Variants in APOH observed in about 807,000 individuals in gnomAD.
APOH encodes the protein beta-2-glycoprotein 1.
A neutral mutation model predicts 39.8 loss-of-function variants in APOH; 48 were observed. The ratio of observed to expected loss-of-function variants is 1.21; its 90% CI spans 0.96 to 1.54. The LOEUF (loss-of-function observed/expected upper bound fraction) is 1.54. APOH is among the 40% of genes most tolerant of loss of function. The probability of loss-of-function intolerance (pLI) is 0.00; values close to 1 mark genes in which losing one functional copy is unlikely to be tolerated. For missense variants in APOH, 415 were observed against 421.2 expected (o/e 0.99, Z 0.13); for synonymous variants, 153 against 151.1 (o/e 1.01, Z -0.09).
chr17:66,220,713 T>A lies in APOH; in HGVS notation c.445A>T (p.Thr149Ser). 1 of 1,613,376 alleles carries A rather than the reference T, an allele frequency of 6.2e-7. No individual in the cohort carries two copies. The highest frequency in any genetic ancestry group is 1.1e-5 in the South Asian group (1 of 91,040). ...PIICPPPSIP[T>S]FATLRVYKPS... ...TTATAAACACGAAGTGTTGCAAACG[T>A]AGGTATGGATGGTGGAGGGCAGATG... is the stretch of plus-strand genomic sequence containing the variant. The change falls in exon 5 of 8, where the codon ACG (threonine) becomes TCG (serine). Residue 149 changes from threonine to serine, a missense_variant. Coordinates refer to ENST00000205948, the MANE Select transcript of APOH (RefSeq NM_000042.3).
intron 4 of APOH, among the ~76,000 whole-genome samples, chr17:66,221,796 G>A (rs1269422878): frequency 6.6e-6 from 1 of 152,156 alleles, no homozygotes; most frequent in Non-Finnish European, 1.5e-5. Flanking sequence ...GAGTACTATG[G>A]AGCTTCAACA....
At position 66,212,126 on chromosome 17, in the gene APOH, A is replaced by C. The variant is rs1041496447; in HGVS notation, c.*7T>G. 6.2e-7 allele frequency: 1 copy of C among 1,612,612 alleles called. No homozygotes were observed. Among genetic ancestry groups the C allele is most frequent in the South Asian group, 1.1e-5 (1 of 90,992 alleles). On this transcript the variant is annotated 3_prime_UTR_variant, in exon 8 of 8. Coordinates refer to ENST00000205948, the MANE Select transcript of APOH (RefSeq NM_000042.3). ...TGTGACATTTTGTGTGGAATCTGAAAACCACCTTAGCATGGCTTTACATCG... is the reference window on the plus strand; with the variant it reads ...TGTGACATTTTGTGTGGAATCTGAACACCACCTTAGCATGGCTTTACATCG...
chr17:66,224,484 A>AAAG (rs1469058431), intron 3 of APOH, among the ~76,000 whole-genome samples: 1 of 145,766 alleles, frequency 6.9e-6, no homozygotes, highest in African/African-American at 2.5e-5. Flanking sequence ...AAAAAAAAAA[A>AAAG]AAAAAAAGAA....
At chr17:66,226,147 G>T in intron 2 of APOH, 23 bp from the exon 3 acceptor site, 2 of 1,539,622 alleles carry the variant, frequency 1.3e-6, no homozygotes, top group Non-Finnish European at 1.8e-6. Flanking sequence ...GATAAAAAAT[G>T]TTACTTTTCT....
Position 66,214,576 on chromosome 17 carries a change from T to G in APOH, c.859A>C (p.Lys287Gln), listed in dbSNP as rs371303776. The change falls in exon 7 of 8, where the codon AAG becomes CAG. Residue 287 changes from lysine (K) to glutamine (Q), a missense_variant. Transcript: ENST00000205948. ...GERVKIQEKF[K>Q]NGMLHGDKVS... ...TTATCACCATGTAGCATTCCATTCT[T>G]AAATTTTTCCTGAATCTTTACTCTC... 8.1e-6 allele frequency: 13 copies of G among 1,614,076 alleles called. No individual in the cohort carries two copies. The African/African-American group carries it at 1.7e-4, about 22-fold the overall frequency.
At position 66,228,182 on chromosome 17, in the gene APOH, C is replaced by T. The variant is rs1471958766; in HGVS notation, c.79G>A (p.Asp27Asn). The change falls in exon 2 of 8, where the codon GAT becomes AAT. Residue 27 changes from aspartate (D) to asparagine (N), a missense_variant. Transcript: ENST00000205948. ...AIAGRTCPKP[D>N]DLPFSTVVPL... The stretch of plus-strand genomic sequence containing the variant: ...ACCACTGTGGAAAATGGTAAATCAT[C>T]TGGCTTGGGACAGGCTGAAAGAGGG... 11 of 1,614,000 alleles carry T rather than the reference C, an allele frequency of 6.8e-6. No individual in the cohort carries two copies. Among genetic ancestry groups the T allele is most frequent in the Non-Finnish European group, 7.6e-6 (9 of 1,179,944 alleles).
chr17:66,215,217 AGG>A (rs991616240), intron 6 of APOH, among the ~76,000 whole-genome samples: 1 of 152,228 alleles, frequency 6.6e-6, no homozygotes, highest in Non-Finnish European at 1.5e-5. Flanking sequence ...GATTAACTCA[AGG>A]GTGGAATTCA....
At chr17:66,223,828 C>T in intron 3 of APOH, 54 bp from the exon 4 acceptor site, 4 of 1,438,842 alleles carry the variant, frequency 2.8e-6, no homozygotes, top group South Asian at 1.1e-5. Flanking sequence ...TCACTGACAT[C>T]TCAAATATCT....
intron 4 of APOH, among the ~76,000 whole-genome samples, chr17:66,223,198 C>G (rs2073412821): frequency 6.6e-6 from 1 of 152,192 alleles, no homozygotes; most frequent in Non-Finnish European, 1.5e-5. Context: ...AAAGCTGCCT[C>G]CTTTGGCCTT....
chr17:66,216,849 A>G lies in APOH; in HGVS notation c.723T>C (p.Asp241=), dbSNP rs1330515949. ...TGGTACATTCTATTTCTTCCGGGCC[A>G]TCCAGAGAATATCCATCATGGCAGC... ...TFGCHDGYSL[D]GPEEIECTKL... Residue 241 remains aspartate (D), a synonymous_variant, in exon 6 of 8, where the codon GAT becomes GAC. Coordinates refer to ENST00000205948, the MANE Select transcript of APOH (RefSeq NM_000042.3). 2 of 1,612,746 alleles carry G rather than the reference A, an allele frequency of 1.2e-6. No homozygotes were observed. The highest frequency in any genetic ancestry group is 3.3e-5 in the Admixed American group (2 of 59,790).
intron 3 of APOH, among the ~76,000 whole-genome samples, chr17:66,225,503 C>A (rs535801330): frequency 6.6e-6 from 1 of 152,206 alleles, no homozygotes; most frequent in Non-Finnish European, 1.5e-5. Context: ...AGTATTTTAA[C>A]CCTATCCAAG....
chr17:66,229,258 G>T, intron 1 of APOH, 58 bp downstream of exon 1: 2 of 1,378,904 alleles, frequency 1.5e-6, no homozygotes, highest in South Asian at 2.4e-5. Flanking sequence ...ATTGATCCCT[G>T]ACATATACGA....
chr17:66,216,298 C>A (rs952155541), intron 6 of APOH, among the ~76,000 whole-genome samples: 1 of 151,972 alleles, frequency 6.6e-6, no homozygotes, highest in Non-Finnish European at 1.5e-5. Context: ...GCCTGGCCAA[C>A]GTGGCAAAGC....
chr17:66,223,866 T>C, intron 3 of APOH, 92 bp from the exon 4 acceptor site: 2 of 1,126,936 alleles, frequency 1.8e-6, no homozygotes, highest in Non-Finnish European at 2.7e-6. Flanking sequence ...TTCATGTTAA[T>C]GCTATTGACT....
intron 2 of APOH, among the ~76,000 whole-genome samples, chr17:66,226,663 G>A (rs947133224): frequency 2.6e-5 from 4 of 151,776 alleles, no homozygotes; most frequent in Non-Finnish European, 5.9e-5. Flanking sequence ...GTTCATCAGG[G>A]GACTGTTTTA....
At chr17:66,212,806 T>C (rs1045365348) in intron 7 of APOH, among the ~76,000 whole-genome samples, 5 of 152,322 alleles carry the variant, frequency 3.3e-5, no homozygotes, top group Admixed American at 6.5e-5. Context: ...CCAAAGACCA[T>C]AAGGGAGAAG....
rs2041398 is a variant in APOH at position 66,216,986 on chromosome 17, A to G, written c.605-19T>C. ...TTTACTTCTAAAACATTTATTCAAT[A>G]AGACATATTAGTAATAAATAGTGCT... On this transcript the variant is annotated intron_variant, in intron 5 of 7. Transcript: ENST00000205948. 340,185 of 1,559,080 alleles carry G rather than the reference A, an allele frequency of 0.22. 41,640 individuals are homozygous for G. Among genetic ancestry groups the G allele is most frequent in the Non-Finnish European group, 0.26 (294,619 of 1,152,044 alleles).
At chr17:66,217,932 G>C (rs1299233646) in intron 5 of APOH, among the ~76,000 whole-genome samples, 1 of 151,754 alleles carries the variant, frequency 6.6e-6, no homozygotes, top group East Asian at 1.9e-4. Flanking sequence ...AACAGAGTGA[G>C]ACTCCAACTC....
chr17:66,221,959 A>G (rs2073405417), intron 4 of APOH, among the ~76,000 whole-genome samples: 2 of 152,184 alleles, frequency 1.3e-5, no homozygotes, highest in South Asian at 4.1e-4. Flanking sequence ...CTCAGACCCC[A>G]CTGCAGGTGC....
Sources: allele counts gnomAD v4.1 joint callset (sites outside exome capture counted in the v4.1 genomes callset), GRCh38; gene constraint gnomAD v4.1.1; transcripts MANE v1.5; gene names NCBI Gene and HGNC (gene_info 2026-07-23, HGNC 2026-07-21).